Variants in MDGA2 observed in about 807,000 individuals in gnomAD.
MDGA2 encodes the protein MAM domain-containing glycosylphosphatidylinositol anchor protein 2.
In MDGA2, 40 loss-of-function variants were observed where a neutral mutation model predicts 117.8. The observed-to-expected ratio is 0.34, with a 90% CI of 0.26 to 0.44. The LOEUF is 0.44. Ranked by LOEUF, MDGA2 falls within the 20% of genes least tolerant of loss-of-function variation. MDGA2 has a pLI of 1.00. For missense variants in MDGA2, 1,123 were observed against 1,250.6 expected (o/e 0.90, Z 1.54); for synonymous variants, 452 against 439.0 (o/e 1.03, Z -0.37).
chr14:47,188,808 A>T (rs983928308), intron 3 of MDGA2, among the ~76,000 whole-genome samples: 1 of 152,184 alleles, frequency 6.6e-6, no homozygotes, highest in Non-Finnish European at 1.5e-5. Context: ...GAGCAAAGAG[A>T]TCAAAAAAAT....
chr14:47,410,900 G>A (rs747194642), intron 1 of MDGA2, among the ~76,000 whole-genome samples: 1 of 152,160 alleles, frequency 6.6e-6, no homozygotes, highest in Non-Finnish European at 1.5e-5. Context: ...AATAAAAGAT[G>A]TCTAAGACAC....
intron 1 of MDGA2, among the ~76,000 whole-genome samples, chr14:47,362,034 A>G (rs936460381): frequency 6.6e-6 from 1 of 152,150 alleles, no homozygotes; most frequent in East Asian, 1.9e-4. Flanking sequence ...GTAACCTCCA[A>G]TGAGACAGCA....
intron 8 of MDGA2, among the ~76,000 whole-genome samples, chr14:47,017,279 A>G (rs74044410): frequency 6.6e-6 from 1 of 151,732 alleles, no homozygotes; most frequent in African/African-American, 2.4e-5. Flanking sequence ...GGTCAAAAAG[A>G]ATTCATCAAG....
At chr14:47,288,287 A>C (rs1001174864) in intron 2 of MDGA2, among the ~76,000 whole-genome samples, 6 of 152,104 alleles carry the variant, frequency 3.9e-5, no homozygotes, top group African/African-American at 1.2e-4. Flanking sequence ...TATTTCAGAA[A>C]ATTCTTTTCA....
intron 8 of MDGA2, among the ~76,000 whole-genome samples, chr14:47,003,269 T>A (rs1460528119): frequency 6.6e-6 from 1 of 152,108 alleles, no homozygotes; most frequent in Non-Finnish European, 1.5e-5. Context: ...TATGTACCTT[T>A]GTGTGTAAGT....
intron 1 of MDGA2, among the ~76,000 whole-genome samples, chr14:47,619,110 TTTAA>T (rs1324134250): frequency 1.8e-5 from 2 of 112,916 alleles, no homozygotes; most frequent in East Asian, 5.3e-4. Context: ...TGAGCCTCAG[TTTAA>T]TTACACACAC....
chr14:46,858,489 G>GCGAT (rs1340530273), intron 14 of MDGA2, among the ~76,000 whole-genome samples: 1 of 145,832 alleles, frequency 6.9e-6, no homozygotes, highest in African/African-American at 2.6e-5. Flanking sequence ...GTGCAGTGGC[G>GCGAT]CGATCTCGGC....
chr14:47,120,941 GC>G (rs1267326168), intron 5 of MDGA2, among the ~76,000 whole-genome samples: 1 of 152,092 alleles, frequency 6.6e-6, no homozygotes, highest in African/African-American at 2.4e-5. Flanking sequence ...ATTAACAGTG[GC>G]CCCAAGGCTA....
chr14:46,959,527 A>C (rs1009533344), intron 8 of MDGA2, among the ~76,000 whole-genome samples: 3 of 151,260 alleles, frequency 2.0e-5, no homozygotes, highest in Non-Finnish European at 4.4e-5. Context: ...TAAGTCTGTC[A>C]ATCTTTTTTT....
intron 3 of MDGA2, among the ~76,000 whole-genome samples, chr14:47,187,556 GTTCA>G (rs1485817275): frequency 1.3e-5 from 2 of 152,022 alleles, no homozygotes; most frequent in East Asian, 3.9e-4. Flanking sequence ...TGTGACTCTA[GTTCA>G]TTCATTTTCA....
intron 8 of MDGA2, among the ~76,000 whole-genome samples, chr14:46,972,146 A>G (rs772411983): frequency 7.2e-5 from 11 of 152,090 alleles, no homozygotes; most frequent in Non-Finnish European, 1.0e-4. Flanking sequence ...AATGGGGCCA[A>G]TCTAGTGGGG....
chr14:47,354,431 G>C (rs1020588692), intron 1 of MDGA2, among the ~76,000 whole-genome samples: 2 of 152,140 alleles, frequency 1.3e-5, no homozygotes, highest in African/African-American at 4.8e-5. Flanking sequence ...GCCTGATTTG[G>C]AGATAAACTT....
At position 47,151,930 on chromosome 14, in the gene MDGA2, T is replaced by C. The variant is rs572421251; in HGVS notation, c.596-7656A>G. On this transcript the variant is annotated intron_variant, in intron 3 of 16. Coordinates refer to ENST00000399232, the MANE Select transcript of MDGA2 (RefSeq NM_001113498.3). ...AAGGAAGATTAATCTGTCATGAATA[T>C]AGTCAATGTCAGTTTTCAGCAAGGA... is the stretch of plus-strand genomic sequence containing the variant. Among the ~76,000 whole-genome samples, 5 of 152,188 alleles carry C rather than the reference T, an allele frequency of 3.3e-5. No individual in the cohort carries two copies. The South Asian group carries it at 8.3e-4, about 25-fold the overall frequency.
rs572426797 is a variant in MDGA2 at position 47,477,012 on chromosome 14, A to ATTTT, written c.281-175463_281-175462insAAAA. 2.6e-5 allele frequency among the ~76,000 whole-genome samples: 4 copies of ATTTT among 152,032 alleles called. No homozygotes were observed. In the East Asian group the frequency reaches 7.8e-4, roughly 30 times the overall value. ...CCCCGTCTCTACTAAAACTGCAAAA[A>ATTTT]TTTGCCGAGCGTGGTGGCGCACGCC... On this transcript the variant is annotated intron_variant, in intron 1 of 16. Transcript: ENST00000399232.
At chr14:47,332,527 C>T (rs1890322218) in intron 1 of MDGA2, among the ~76,000 whole-genome samples, 1 of 151,118 alleles carries the variant, frequency 6.6e-6, no homozygotes, top group Non-Finnish European at 1.5e-5. Flanking sequence ...TCATCAAGTC[C>T]TATTGAAAGA....
intron 16 of MDGA2, among the ~76,000 whole-genome samples, chr14:46,842,981 G>A (rs945692419): frequency 3.9e-5 from 6 of 152,082 alleles, no homozygotes; most frequent in Non-Finnish European, 8.8e-5. Context: ...TGACACAAAT[G>A]TAACAGAAAA....
At chr14:46,969,903 T>C (rs1187538228) in intron 8 of MDGA2, among the ~76,000 whole-genome samples, 11 of 147,242 alleles carry the variant, frequency 7.5e-5, no homozygotes, top group Non-Finnish European at 1.3e-4. Flanking sequence ...CTGCACGTTG[T>C]GCACATGTAC....
At chr14:47,069,557 T>C (rs1008348701) in intron 6 of MDGA2, among the ~76,000 whole-genome samples, 1 of 152,212 alleles carries the variant, frequency 6.6e-6, no homozygotes, top group African/African-American at 2.4e-5. Flanking sequence ...CATGACATTG[T>C]CCCAGTTCTA....
At chr14:47,419,117 A>C (rs1033232636) in intron 1 of MDGA2, among the ~76,000 whole-genome samples, 2 of 152,206 alleles carry the variant, frequency 1.3e-5, no homozygotes, top group Admixed American at 6.5e-5. Flanking sequence ...TCCATCTGCC[A>C]GTGGTTGAAC....
Sources: allele counts gnomAD v4.1 joint callset (sites outside exome capture counted in the v4.1 genomes callset), GRCh38; gene constraint gnomAD v4.1.1; transcripts MANE v1.5; gene names NCBI Gene and HGNC (gene_info 2026-07-23, HGNC 2026-07-21).